Variants in ZSCAN30 observed in about 807,000 individuals in gnomAD.
ZSCAN30 encodes zinc finger and SCAN domain-containing protein 30.
A neutral mutation model predicts 44.3 loss-of-function variants in ZSCAN30; 37 were observed. The observed-to-expected ratio is 0.84, with a 90% CI of 0.64 to 1.10. The LOEUF (loss-of-function observed/expected upper bound fraction) is 1.10. Among genes scored for constraint, ZSCAN30 ranks in the 50% least tolerant of loss-of-function variants. The probability of loss-of-function intolerance (pLI) is 0.00; values close to 1 mark genes in which losing one functional copy is unlikely to be tolerated. For missense variants in ZSCAN30, 549 were observed against 582.6 expected, an observed-to-expected ratio of 0.94 and a Z score of 0.59; for synonymous variants, 181 against 204.6, an observed-to-expected ratio of 0.88 and a Z score of 0.98.
At position 35,285,999 on chromosome 18, in the gene ZSCAN30, G is replaced by C. The variant is rs1212147715; in HGVS notation, c.-104+4085C>G. Among the ~76,000 whole-genome samples, 3 of 152,216 alleles carry C rather than the reference G, an allele frequency of 2.0e-5. No homozygotes were observed. The East Asian group carries it at 5.8e-4, about 29-fold the overall frequency. On this transcript the variant is annotated intron_variant, in intron 1 of 3. Transcript: ENST00000333206. ...AGAAGATACAAATTACTAATAGCAAGAATGAAAGAGGTAACATCACTGCAG... is the reference window on the plus strand; with the variant it reads ...AGAAGATACAAATTACTAATAGCAACAATGAAAGAGGTAACATCACTGCAG...
At chr18:35,256,640 T>G (rs2043830826) in intron 3 of ZSCAN30, among the ~76,000 whole-genome samples, 3 of 152,146 alleles carry the variant, frequency 2.0e-5, no homozygotes, top group African/African-American at 7.2e-5. Flanking sequence ...CTCCCAAGAA[T>G]GAAAACTAAT....
intron 1 of ZSCAN30, among the ~76,000 whole-genome samples, chr18:35,286,092 C>T (rs2044544302): frequency 6.6e-6 from 1 of 152,120 alleles, no homozygotes; most frequent in Non-Finnish European, 1.5e-5. Context: ...ACAAAATTGG[C>T]TGATTCTTTA....
intron 1 of ZSCAN30, among the ~76,000 whole-genome samples, chr18:35,275,728 C>T (rs758725380): frequency 4.6e-5 from 7 of 152,180 alleles, no homozygotes; most frequent in Non-Finnish European, 1.0e-4. Context: ...TAAAAATTAT[C>T]AAGCCACCAA....
At chr18:35,264,737 G>A (rs1397927350) in intron 1 of ZSCAN30, among the ~76,000 whole-genome samples, 1 of 152,132 alleles carries the variant, frequency 6.6e-6, no homozygotes, top group Non-Finnish European at 1.5e-5. Flanking sequence ...AGCAAGAAAA[G>A]CACTATAGTA....
At position 35,253,269 on chromosome 18, in the gene ZSCAN30, T is replaced by G. The variant is rs2043659452; in HGVS notation, c.*181A>C. ...TTTTGGAGAAGACTTGGGTAACATT[T>G]TTCTTCCATTTAACACTTCAATAAT... On this transcript the variant is annotated 3_prime_UTR_variant, in exon 4 of 4. Coordinates refer to ENST00000333206, the MANE Select transcript of ZSCAN30 (RefSeq NM_001112734.4). 2.1e-6 allele frequency: 1 copy of G among 480,320 alleles called. No homozygotes were observed. Among genetic ancestry groups the G allele is most frequent in the African/African-American group, 2.0e-5 (1 of 51,164 alleles). 29.8% of individuals were successfully genotyped at this position (480,320 alleles called of 1,614,324 possible).
rs764317734 is a variant in ZSCAN30, at chr18:35,253,977, G to A, written c.958C>T (p.Gln320Ter). 2.5e-6 allele frequency: 4 copies of A among 1,613,994 alleles called. No homozygotes were observed. Among genetic ancestry groups the A allele is most frequent in the Non-Finnish European group, 3.4e-6 (4 of 1,180,014 alleles). ...GGTCTCTCTCCAGTATGAATTCTCT[G>A]ATGTCTAATCAGCTTTGAGCTCTGG... is the stretch of plus-strand genomic sequence containing the variant. ...FCQSSKLIRH[Q>*]RIHTGERPYA... is the part of the protein sequence containing the mutation. Residue 320 changes from glutamine to a stop codon, truncating the protein, a stop_gained, in exon 4 of 4, where the codon CAG becomes TAG. Transcript: ENST00000333206. LOFTEE classifies it high-confidence loss of function.
chr18:35,263,600 T>TA lies in ZSCAN30; in HGVS notation c.465_466insT (p.Lys156Ter). 2 of 1,614,190 alleles carry TA rather than the reference T, an allele frequency of 1.2e-6. No individual in the cohort carries two copies. The highest frequency in any genetic ancestry group is 1.7e-6 in the Non-Finnish European group (2 of 1,180,034). ...ACCGGGCTATTCAGAGACAGAGACT[T>TA]CAGTGCTCCTGTGGATGTCATTTCC... is the stretch of plus-strand genomic sequence containing the variant. On this transcript the variant is annotated frameshift_variant, in exon 3 of 4. Coordinates refer to ENST00000333206, the MANE Select transcript of ZSCAN30 (RefSeq NM_001112734.4). LOFTEE classifies it high-confidence loss of function.
intron 1 of ZSCAN30, chr18:35,289,675 A>G (rs1013510863): frequency 2.0e-5 from 3 of 152,130 alleles, no homozygotes; most frequent in African/African-American, 7.2e-5. Context: ...TAGCAAGCAA[A>G]CCTTAAATAG....
chr18:35,276,770 T>G (rs965834379), intron 1 of ZSCAN30, among the ~76,000 whole-genome samples: 1 of 152,198 alleles, frequency 6.6e-6, no homozygotes, highest in Non-Finnish European at 1.5e-5. Context: ...AAGGGAAATG[T>G]GGGGATGGAG....
chr18:35,257,463 A>G (rs1362765781), intron 3 of ZSCAN30: 1 of 161,726 alleles, frequency 6.2e-6, no homozygotes, highest in Non-Finnish European at 1.3e-5. Flanking sequence ...TAGTGATCTT[A>G]TAAAATAGGC....
At chr18:35,283,837 T>C (rs1469085550) in intron 1 of ZSCAN30, 1 of 152,486 alleles carries the variant, frequency 6.6e-6, no homozygotes, top group Non-Finnish European at 1.5e-5. Context: ...ATGTTTCAGC[T>C]CTGTTTGTGT....
At chr18:35,286,451 G>C (rs2044551691) in intron 1 of ZSCAN30, among the ~76,000 whole-genome samples, 1 of 151,900 alleles carries the variant, frequency 6.6e-6, no homozygotes, top group Admixed American at 6.6e-5. Flanking sequence ...AGTGAAGCAG[G>C]GTTTTTTACA....
rs2043703476 is a variant in ZSCAN30, at chr18:35,254,148, T to C, written c.787A>G (p.Asn263Asp). The change falls in exon 4 of 4, where the codon AAC (asparagine) becomes GAC (aspartate). Residue 263 changes from asparagine to aspartate, a missense_variant. Transcript: ENST00000333206. ...CTGTGTTCTGTGGGGATTCTTCTGT[T>C]GAAGGTTGCCAGACTGAAATGTCTG... ...QDRHFSLATF[N>D]RRIPTEHSVL... 1 of 1,614,180 alleles carries C rather than the reference T, an allele frequency of 6.2e-7. No homozygotes were observed. Among genetic ancestry groups the C allele is most frequent in the Non-Finnish European group, 8.5e-7 (1 of 1,180,002 alleles).
chr18:35,289,911 G>C (rs1420400188), intron 1 of ZSCAN30, 173 bp downstream of exon 1: 5 of 152,152 alleles, frequency 3.3e-5, no homozygotes, highest in Admixed American at 3.3e-4. Flanking sequence ...TTTTAACAAG[G>C]CCTCCAGGTG....
Position 35,254,103 on chromosome 18 carries a change from T to G in ZSCAN30, c.832A>C (p.Ser278Arg), listed in dbSNP as rs550216234. 1.2e-6 allele frequency: 2 copies of G among 1,613,942 alleles called. No homozygotes were observed. The highest frequency in any genetic ancestry group is 1.7e-6 in the Non-Finnish European group (2 of 1,180,014). Reference sequence around the variant, plus strand: ...GAATTCATACTGAAACTTCCTTCACTCTCATGAGATTCAAGGACACTGTGT... The same window carrying G: ...GAATTCATACTGAAACTTCCTTCACGCTCATGAGATTCAAGGACACTGTGT... ...TEHSVLESHE[S>R]EGSFSMNSND... The change falls in exon 4 of 4, where the codon AGT becomes CGT. Residue 278 changes from serine (S) to arginine (R), a missense_variant. Ser to Arg is a moderately radical substitution (Grantham distance 110). Transcript: ENST00000333206.
At chr18:35,263,169 G>A (rs2044062718) in intron 3 of ZSCAN30, 3 of 382,468 alleles carry the variant, frequency 7.8e-6, no homozygotes, top group Non-Finnish European at 1.5e-5. Flanking sequence ...TTAACCCAGG[G>A]GTTCAAGGCT....
chr18:35,289,844 C>G (rs1468019225), intron 1 of ZSCAN30: 1 of 152,204 alleles, frequency 6.6e-6, no homozygotes, highest in East Asian at 1.9e-4. Context: ...GGGCTGCCAC[C>G]GCCCCCTCCC....
intron 3 of ZSCAN30, chr18:35,261,546 T>C (rs2044030076): frequency 6.6e-6 from 1 of 152,242 alleles, no homozygotes; most frequent in Admixed American, 6.5e-5. Flanking sequence ...TGGTTTGTAG[T>C]TCTCCTTGAA....
At chr18:35,279,836 T>A (rs1002599315) in intron 1 of ZSCAN30, among the ~76,000 whole-genome samples, 2 of 152,210 alleles carry the variant, frequency 1.3e-5, no homozygotes, top group Admixed American at 6.5e-5. Context: ...ATATGAATTT[T>A]GGGGGGACAT....
Sources: allele counts gnomAD v4.1 joint callset (sites outside exome capture counted in the v4.1 genomes callset), GRCh38; gene constraint gnomAD v4.1.1; transcripts MANE v1.5; gene names NCBI Gene and HGNC (gene_info 2026-07-23, HGNC 2026-07-21).